Variants in PARP14 observed in about 807,000 individuals in gnomAD.
PARP14 encodes poly(ADP-ribose) polymerase family member 14, also known as protein mono-ADP-ribosyltransferase PARP14.
A neutral mutation model predicts 154.2 loss-of-function variants in PARP14; 59 were observed. The observed-to-expected ratio is 0.38, with a 90% confidence interval of 0.31 to 0.48. The LOEUF (loss-of-function observed/expected upper bound fraction) is 0.48. PARP14 is among the 20% of genes least tolerant of loss of function. PARP14 has a pLI of 0.98. For missense variants in PARP14, 1,734 were observed against 2,131.6 expected, an observed-to-expected ratio of 0.81 and a Z score of 3.67; for synonymous variants, 720 against 780.5, an observed-to-expected ratio of 0.92 and a Z score of 1.29.
Position 122,700,317 on chromosome 3 carries a change from C to A in PARP14, c.1763C>A (p.Ala588Glu), listed in dbSNP as rs779446362. Residue 588 changes from alanine to glutamate, a missense_variant, in exon 6 of 17, where the codon GCA (alanine) becomes GAA (glutamate). By Grantham distance (107) the Ala-to-Glu change is moderately radical. This residue lies in a region of PARP14 where 1,646 missense variants were observed against 1,976.0 expected (regional missense o/e 0.83). Coordinates refer to ENST00000474629, the MANE Select transcript of PARP14 (RefSeq NM_017554.3). ...TGTTCTTCTGAAGCCCTGTTAGAAG[C>A]AGAAAAGCAAATGCTCAGTGCCTTA... ...TSCSSEALLEAEKQMLSALNY... is the reference protein window; with the variant it reads ...TSCSSEALLEEEKQMLSALNY... The A allele has an allele frequency of 1.9e-6, 3 of 1,613,322 alleles. No individual in the cohort carries two copies. Among genetic ancestry groups the A allele is most frequent in the Non-Finnish European group, 2.5e-6 (3 of 1,179,582 alleles).
Position 122,704,706 on chromosome 3 carries a change from G to C in PARP14, c.3498G>C (p.Glu1166Asp). The C allele has an allele frequency of 6.2e-7, 1 of 1,606,012 alleles. No individual in the cohort carries two copies. Among genetic ancestry groups the C allele is most frequent in the Non-Finnish European group, 8.5e-7 (1 of 1,175,566 alleles). The change falls in exon 8 of 17, where the codon GAG becomes GAC. Residue 1166 changes from glutamate to aspartate, a missense_variant. Physicochemically the swap from Glu to Asp is conservative, Grantham distance 45. Transcript: ENST00000474629. ...AGAATCAGCTGAAAACTTTACAAGA[G>C]GTTCACTTTCTGCTGCACCCGAGTG... is the stretch of plus-strand genomic sequence containing the variant. ...SSKNQLKTLQ[E>D]VHFLLHPSDH...
At chr3:122,723,799 G>A (rs1393563672) in intron 15 of PARP14, among the ~76,000 whole-genome samples, 1 of 152,102 alleles carries the variant, frequency 6.6e-6, no homozygotes, top group Non-Finnish European at 1.5e-5. Flanking sequence ...CAACAATTTT[G>A]TACTGATTGA....
intron 15 of PARP14, among the ~76,000 whole-genome samples, chr3:122,724,162 C>CCA (rs749550205): frequency 2.6e-5 from 4 of 152,108 alleles, no homozygotes; most frequent in Non-Finnish European, 5.9e-5. Flanking sequence ...TTCTAAGAAG[C>CCA]CATGTTACCT....
At chr3:122,727,144 C>G (rs184293982) in intron 15 of PARP14, among the ~76,000 whole-genome samples, 3 of 152,018 alleles carry the variant, frequency 2.0e-5, no homozygotes, top group Non-Finnish European at 2.9e-5. Context: ...CTTTACCCAC[C>G]CCTCGGTCTT....
At chr3:122,713,354 G>A (rs1384420542) in intron 9 of PARP14, 70 bp from the exon 10 acceptor site, 2 of 1,348,238 alleles carry the variant, frequency 1.5e-6, no homozygotes, top group Non-Finnish European at 2.1e-6. Flanking sequence ...AGGGTCCCAT[G>A]TGAGCAGGAT....
Position 122,728,665 on chromosome 3 carries a change from C to CTT in PARP14, c.*77_*78dup. The CTT allele has an allele frequency of 9.5e-6, 11 of 1,155,380 alleles. No homozygotes were observed. The highest frequency in any genetic ancestry group is 1.2e-5 in the Non-Finnish European group (10 of 832,168). 71.6% of individuals were successfully genotyped at this position (1,155,380 alleles called of 1,614,324 possible). ...TATCTAGTTGTAAAACAAGTTTTAG[C>CTT]TTTTTTTTTTAATTCCTCTTAACAG... is the stretch of plus-strand genomic sequence containing the variant. On this transcript the variant is annotated 3_prime_UTR_variant, in exon 17 of 17. Transcript: ENST00000474629.
intron 12 of PARP14, among the ~76,000 whole-genome samples, 169 bp downstream of exon 12, chr3:122,714,598 C>A (rs544304852): frequency 6.6e-6 from 1 of 151,998 alleles, no homozygotes; most frequent in Non-Finnish European, 1.5e-5. Flanking sequence ...AATGACAAAG[C>A]CTGTGGATTG....
In PARP14 at chr3:122,704,566, G is replaced by A. The variant is rs778697929; in HGVS notation, c.3358G>A (p.Glu1120Lys). Residue 1120 changes from glutamate to lysine, a missense_variant, in exon 8 of 17, where the codon GAG becomes AAG. Coordinates refer to ENST00000474629, the MANE Select transcript of PARP14 (RefSeq NM_017554.3). Reference protein sequence around the residue: ...DIIRECMEITESLSLKSIAFP... With the variant: ...DIIRECMEITKSLSLKSIAFP... ...AATCAGAGAATGTATGGAGATCACT[G>A]AGAGCTTGTCCTTAAAATCAATTGC... 1.9e-6 allele frequency: 3 copies of A among 1,608,240 alleles called. No homozygotes were observed. Among genetic ancestry groups the A allele is most frequent in the Non-Finnish European group, 2.5e-6 (3 of 1,176,904 alleles).
chr3:122,720,638 A>T, intron 15 of PARP14: 2 of 527,582 alleles, frequency 3.8e-6, no homozygotes, highest in Admixed American at 5.8e-5. Flanking sequence ...TTACTTTGTG[A>T]AGCAAGCTAA....
At chr3:122,712,539 T>A (rs1164738405) in intron 9 of PARP14, among the ~76,000 whole-genome samples, 3 of 151,486 alleles carry the variant, frequency 2.0e-5, no homozygotes, top group Non-Finnish European at 4.4e-5. Flanking sequence ...TGAGCCACCA[T>A]GCCTGGCCAG....
At position 122,701,212 on chromosome 3, in the gene PARP14, C is replaced by T. The variant is rs778982306; in HGVS notation, c.2658C>T (p.Ser886=). 6.8e-6 allele frequency: 11 copies of T among 1,613,338 alleles called. No homozygotes were observed. The highest frequency in any genetic ancestry group is 4.5e-5 in the East Asian group (2 of 44,876). Residue 886 remains serine (S), a synonymous_variant, in exon 6 of 17, where the codon AGC becomes AGT. Coordinates refer to ENST00000474629, the MANE Select transcript of PARP14 (RefSeq NM_017554.3). This position sits in a 1 kb window ranked among gnomAD's most constrained non-coding sequence, Gnocchi z 4.0. ...HVIHAVGPRW[S]GYEAPRCVYL... Reference sequence around the variant, plus strand: ...TCCATGCAGTGGGGCCCCGCTGGAGCGGATATGAGGCCCCGAGGTGTGTGT... The same window carrying T: ...TCCATGCAGTGGGGCCCCGCTGGAGTGGATATGAGGCCCCGAGGTGTGTGT...
chr3:122,700,479 C>T lies in PARP14; in HGVS notation c.1925C>T (p.Thr642Ile). ...VIINELTSET[T>I]AEVIITGCVK... ...ATCAATGAGTTAACTTCAGAAACCA[C>T]AGCTGAAGTCATCATTACAGGCTGT... The change falls in exon 6 of 17, where the codon ACA becomes ATA. Residue 642 changes from threonine (T) to isoleucine (I), a missense_variant. Thr to Ile is a moderately conservative substitution (Grantham distance 89). Around this residue, in one of 2 missense-constraint regions of PARP14, gnomAD observed 1,646 missense variants for 1,976.0 expected, o/e 0.83. Coordinates refer to ENST00000474629, the MANE Select transcript of PARP14 (RefSeq NM_017554.3). The T allele has an allele frequency of 6.2e-7, 1 of 1,612,198 alleles. No individual in the cohort carries two copies. The highest frequency in any genetic ancestry group is 1.1e-5 in the South Asian group (1 of 90,706).
intron 12 of PARP14, among the ~76,000 whole-genome samples, chr3:122,716,964 T>C (rs1252435573): frequency 2.1e-4 from 32 of 152,246 alleles, no homozygotes; most frequent in Non-Finnish European, 1.5e-5. Context: ...TGATAGGACA[T>C]AGCAGATGTT....
chr3:122,684,571 C>T (rs1257278395), intron 1 of PARP14, among the ~76,000 whole-genome samples: 2 of 152,172 alleles, frequency 1.3e-5, no homozygotes, highest in Non-Finnish European at 2.9e-5. Flanking sequence ...TGTTTCACTA[C>T]AGCCAAGCTG....
At chr3:122,727,421 A>G (rs1933314142) in intron 15 of PARP14, among the ~76,000 whole-genome samples, 1 of 152,236 alleles carries the variant, frequency 6.6e-6, no homozygotes, top group Admixed American at 6.5e-5. Context: ...AACTAGGTCA[A>G]CCAGTATCCC....
chr3:122,711,236 C>G lies in PARP14; in HGVS notation c.3620-2188C>G, dbSNP rs1318091721. ...TTGGCTGTGGATTTGTCACATATGG[C>G]TTTTACTACTTCAAGATATGTCCCC... On this transcript the variant is annotated intron_variant, in intron 9 of 16. Coordinates refer to ENST00000474629, the MANE Select transcript of PARP14 (RefSeq NM_017554.3). 2.6e-5 allele frequency among the ~76,000 whole-genome samples: 4 copies of G among 152,248 alleles called. No homozygotes were observed. In the South Asian group the frequency reaches 8.3e-4, roughly 32 times the overall value.
Position 122,695,594 on chromosome 3 carries a change from G to GA in PARP14, c.769dup (p.Arg257LysfsTer6). The GA allele has an allele frequency of 6.2e-7, 1 of 1,610,800 alleles. No individual in the cohort carries two copies. Among genetic ancestry groups the GA allele is most frequent in the Non-Finnish European group, 8.5e-7 (1 of 1,177,404 alleles). On this transcript the variant is annotated frameshift_variant, in exon 5 of 17. Transcript: ENST00000474629. LOFTEE classifies it high-confidence loss of function. Reference sequence around the variant, plus strand: ...TTTGAAAATCCCTATAATGGAGGGGGAAGAGTTGCCAATGTTGAATATTTT... The same window carrying GA: ...TTTGAAAATCCCTATAATGGAGGGGGAAAGAGTTGCCAATGTTGAATATTTT...
At chr3:122,689,981 C>G (rs141972619) in intron 3 of PARP14, among the ~76,000 whole-genome samples, 1 of 152,214 alleles carries the variant, frequency 6.6e-6, no homozygotes, top group Admixed American at 6.5e-5. Flanking sequence ...CTGTTGCTCA[C>G]CATTCCCTCT....
rs202161617 is a variant in PARP14, at chr3:122,701,522, G to A, written c.2968G>A (p.Gly990Ser). 9 of 1,613,220 alleles carry A rather than the reference G, an allele frequency of 5.6e-6. No homozygotes were observed. The Admixed American group carries it at 1.2e-4, about 21-fold the overall frequency. The stretch of plus-strand genomic sequence containing the variant: ...CCTGCCAGATACAGCTGCCCCGCCA[G>A]GTTTACCACCAGCAGCAGCGGGGCC... ...ATLPDTAAPP[G>S]LPPAAAGPGK... Residue 990 changes from glycine (G) to serine (S), a missense_variant, in exon 6 of 17, where the codon GGT becomes AGT. Around this residue, in one of 2 missense-constraint regions of PARP14, gnomAD observed 1,646 missense variants for 1,976.0 expected, o/e 0.83. Coordinates refer to ENST00000474629, the MANE Select transcript of PARP14 (RefSeq NM_017554.3). This position sits in a 1 kb window ranked among gnomAD's most constrained non-coding sequence, Gnocchi z 4.0.
Sources: allele counts gnomAD v4.1 joint callset (sites outside exome capture counted in the v4.1 genomes callset), GRCh38; gene constraint gnomAD v4.1.1; regional missense constraint gnomAD v4.1.1; non-coding constraint Gnocchi (gnomAD v3.1); transcripts MANE v1.5; gene names NCBI Gene and HGNC (gene_info 2026-07-23, HGNC 2026-07-21).